The following GRM5 variants were observed in gnomAD, a reference collection of about 807,000 sequenced individuals.
The protein encoded by GRM5 is metabotropic glutamate receptor 5.
A neutral mutation model predicts 83.1 loss-of-function variants in GRM5; 19 were observed. That is an observed-to-expected ratio of 0.23 (90% CI 0.16 to 0.34). The LOEUF (loss-of-function observed/expected upper bound fraction) is 0.34. GRM5 is among the 10% of genes least tolerant of loss of function. The pLI is 1.00. For missense variants in GRM5, 1,160 were observed against 1,588.3 expected (o/e 0.73, Z 4.58); for synonymous variants, 675 against 633.6 (o/e 1.07, Z -0.98).
At chr11:88,571,246 TAAAGA>T (rs1174094875) in intron 7 of GRM5, among the ~76,000 whole-genome samples, 3 of 152,228 alleles carry the variant, frequency 2.0e-5, no homozygotes, top group Admixed American at 2.0e-4. Context: ...TGTGTGAAAC[TAAAGA>T]AAACTCATTA....
intron 1 of GRM5, among the ~76,000 whole-genome samples, chr11:89,049,340 A>G (rs1162720285): frequency 1.3e-5 from 2 of 152,206 alleles, no homozygotes; most frequent in Non-Finnish European, 2.9e-5. Flanking sequence ...ATAATTTGTA[A>G]AAGAGAATTG....
chr11:89,039,297 A>C (rs1024306545), intron 2 of GRM5, among the ~76,000 whole-genome samples: 13 of 151,522 alleles, frequency 8.6e-5, no homozygotes, highest in African/African-American at 2.4e-4. Context: ...ATATATATAA[A>C]GTGATTATGT....
intron 2 of GRM5, among the ~76,000 whole-genome samples, chr11:88,938,444 C>G (rs1376214379): frequency 2.0e-5 from 3 of 150,718 alleles, no homozygotes; most frequent in Admixed American, 2.0e-4. Flanking sequence ...TGACATTCAA[C>G]AAGAAAAAGA....
chr11:88,535,169 C>T (rs917734263), intron 8 of GRM5, among the ~76,000 whole-genome samples: 3 of 152,112 alleles, frequency 2.0e-5, no homozygotes, highest in Non-Finnish European at 4.4e-5. Flanking sequence ...CTTTCCTTTG[C>T]ATTGTCACAT....
intron 7 of GRM5, among the ~76,000 whole-genome samples, chr11:88,573,076 A>G (rs1877058): frequency 1.1e-4 from 17 of 152,138 alleles, no homozygotes; most frequent in Non-Finnish European, 2.1e-4. Flanking sequence ...TTAGGTATCT[A>G]TTCACTTTTA....
chr11:88,656,288 C>T (rs1014248135), intron 3 of GRM5, among the ~76,000 whole-genome samples: 37 of 152,164 alleles, frequency 2.4e-4, no homozygotes, highest in Non-Finnish European at 1.0e-4. Flanking sequence ...CCTCTTCTCA[C>T]TGGTGGGCAT....
intron 3 of GRM5, among the ~76,000 whole-genome samples, chr11:88,812,438 T>C (rs756872539): frequency 5.9e-5 from 9 of 152,138 alleles, no homozygotes; most frequent in Non-Finnish European, 1.0e-4. Flanking sequence ...AATTAAGACC[T>C]GGAAATGTTA....
chr11:88,667,119 ACTC>A (rs1308557570), intron 3 of GRM5, among the ~76,000 whole-genome samples: 1 of 152,192 alleles, frequency 6.6e-6, no homozygotes, highest in African/African-American at 2.4e-5. Context: ...AAATTTAAGA[ACTC>A]AATGGATGTG....
At chr11:88,672,164 G>T (rs189169711) in intron 3 of GRM5, among the ~76,000 whole-genome samples, 1 of 151,902 alleles carries the variant, frequency 6.6e-6, no homozygotes, top group Non-Finnish European at 1.5e-5. Flanking sequence ...TGATAAAACC[G>T]ATTATAGCTA....
At chr11:88,700,602 A>C (rs10082579) in intron 3 of GRM5, among the ~76,000 whole-genome samples, 1 of 151,920 alleles carries the variant, frequency 6.6e-6, no homozygotes, top group African/African-American at 2.4e-5. Context: ...CCATGTGAAG[A>C]TTTACTGTTC....
At chr11:88,739,347 CT>C (rs1433536761) in intron 3 of GRM5, among the ~76,000 whole-genome samples, 4 of 152,026 alleles carry the variant, frequency 2.6e-5, no homozygotes. Context: ...ATCCATTGAC[CT>C]TTTTCAAAGT....
chr11:88,618,711 G>C lies in GRM5; in HGVS notation c.1148-13747C>G, dbSNP rs747046795. ...AGGCAAACTTTAAAGTCTTAAGTGC[G>C]CATAATAAAATGGTTCGTTTTATTC... On this transcript the variant is annotated intron_variant, in intron 4 of 9. Transcript: ENST00000305447. Among the ~76,000 whole-genome samples, 15 of 152,116 alleles carry C rather than the reference G, an allele frequency of 9.9e-5. No homozygotes were observed. The East Asian group carries it at 2.9e-3, about 29-fold the overall frequency.
intron 3 of GRM5, among the ~76,000 whole-genome samples, chr11:88,768,571 T>G (rs1942667294): frequency 6.6e-6 from 1 of 151,894 alleles, no homozygotes; most frequent in South Asian, 2.1e-4. Flanking sequence ...AACCATACAC[T>G]TAACAATGTT....
chr11:89,063,983 A>T (rs1375521571), intron 1 of GRM5, among the ~76,000 whole-genome samples: 1 of 152,208 alleles, frequency 6.6e-6, no homozygotes, highest in Non-Finnish European at 1.5e-5. Flanking sequence ...TGAGTGAGAA[A>T]GGGCACCTGT....
intron 3 of GRM5, among the ~76,000 whole-genome samples, chr11:88,773,621 T>C (rs1016607997): frequency 1.3e-5 from 2 of 152,198 alleles, no homozygotes; most frequent in African/African-American, 4.8e-5. Flanking sequence ...CTTGAATTAA[T>C]TTTTGTATAA....
intron 3 of GRM5, among the ~76,000 whole-genome samples, chr11:88,761,263 C>T (rs575340903): frequency 2.0e-5 from 3 of 152,068 alleles, no homozygotes; most frequent in Non-Finnish European, 4.4e-5. Context: ...GTCAAACTAT[C>T]CCTGTGTACA....
At chr11:88,676,343 C>T (rs1028632246) in intron 3 of GRM5, among the ~76,000 whole-genome samples, 30 of 151,840 alleles carry the variant, frequency 2.0e-4, no homozygotes, top group Admixed American at 2.0e-3. Flanking sequence ...TTATTAGGCA[C>T]CTATTATATG....
intron 2 of GRM5, among the ~76,000 whole-genome samples, chr11:88,996,110 T>A (rs1940178001): frequency 6.6e-6 from 1 of 152,234 alleles, no homozygotes; most frequent in South Asian, 2.1e-4. Flanking sequence ...AGGACAGTTT[T>A]AATTATCACC....
At chr11:89,057,334 C>T (rs1197941063) in intron 1 of GRM5, among the ~76,000 whole-genome samples, 1 of 150,580 alleles carries the variant, frequency 6.6e-6, no homozygotes, top group Non-Finnish European at 1.5e-5. Flanking sequence ...AGGAAAGCTC[C>T]ATTGTCATTA....
Sources: gnomAD v4.1 joint callset for allele counts (sites outside exome capture counted in the v4.1 genomes callset) on GRCh38, gnomAD v4.1.1 for gene constraint, MANE v1.5 for transcripts, NCBI Gene and HGNC (gene_info 2026-07-23, HGNC 2026-07-21) for gene names.